The following CPEB1 variants were observed in gnomAD, a reference collection of about 807,000 sequenced individuals.
CPEB1 encodes cytoplasmic polyadenylation element-binding protein 1.
Under a neutral mutation model 65.8 loss-of-function variants are expected in CPEB1, and 7 were observed. The observed-to-expected ratio is 0.11, with a 90% CI of 0.06 to 0.20. The LOEUF is 0.20. Among genes scored for constraint, CPEB1 ranks in the 10% least tolerant of loss-of-function variants. The probability of loss-of-function intolerance (pLI) is 1.00; values close to 1 mark genes in which losing one functional copy is unlikely to be tolerated. For synonymous variants in CPEB1, 262 were observed against 260.0 expected, an observed-to-expected ratio of 1.01 and a Z score of -0.08; for missense variants, 551 against 712.2, an observed-to-expected ratio of 0.77 and a Z score of 2.58.
chr15:82,587,404 G>A (rs746169576), intron 3 of CPEB1, among the ~76,000 whole-genome samples: 7 of 152,154 alleles, frequency 4.6e-5, no homozygotes, highest in African/African-American at 7.2e-5. Flanking sequence ...AATCAATTGC[G>A]AAAACTGAAA....
At chr15:82,581,259 T>A (rs72751657) in intron 3 of CPEB1, among the ~76,000 whole-genome samples, 20,378 of 152,236 alleles carry the variant, frequency 0.13, 1,597 homozygotes, top group Non-Finnish European at 0.19. Context: ...ACTACAGGTG[T>A]GCACTACTGT....
intron 3 of CPEB1, among the ~76,000 whole-genome samples, chr15:82,606,506 G>A (rs189002359): frequency 4.1e-5 from 6 of 146,432 alleles, no homozygotes; most frequent in Non-Finnish European, 7.5e-5. Flanking sequence ...CAGCACATGC[G>A]CTAAGAAAAT....
intron 3 of CPEB1, among the ~76,000 whole-genome samples, chr15:82,598,771 C>T (rs866187984): frequency 7.2e-5 from 11 of 151,842 alleles, no homozygotes; most frequent in Non-Finnish European, 1.6e-4. Context: ...GGTGACAGAG[C>T]GAGACTCCAT....
chr15:82,605,881 A>C (rs1025201531), intron 3 of CPEB1, among the ~76,000 whole-genome samples: 1 of 151,934 alleles, frequency 6.6e-6, no homozygotes, highest in African/African-American at 2.4e-5. Context: ...TCTACTAAAA[A>C]TACAAAATTA....
chr15:82,565,505 C>T (rs1357887998), intron 4 of CPEB1, among the ~76,000 whole-genome samples: 1 of 152,190 alleles, frequency 6.6e-6, no homozygotes, highest in East Asian at 1.9e-4. Flanking sequence ...CACGAGCATA[C>T]CTAACTGGAA....
intron 4 of CPEB1, among the ~76,000 whole-genome samples, chr15:82,566,701 T>C (rs1001901496): frequency 6.8e-6 from 1 of 146,608 alleles, no homozygotes; most frequent in Non-Finnish European, 1.6e-5. Context: ...ATCCTGCCCC[T>C]GTCACTAACC....
At chr15:82,579,977 T>C (rs7179695) in intron 3 of CPEB1, among the ~76,000 whole-genome samples, 2,921 of 91,980 alleles carry the variant, frequency 0.032, 120 homozygotes, top group African/African-American at 0.1. Flanking sequence ...GCACAAAATA[T>C]TACATTAAGA....
In CPEB1 at chr15:82,571,954, C is replaced by CCCG. The variant is rs1567191629; in HGVS notation, c.272-423_272-422insCGG. 1.5e-5 allele frequency: 11 copies of CCCG among 721,648 alleles called. No homozygotes were observed. In the Admixed American group the frequency reaches 1.8e-4, roughly 12 times the overall value. The allele number at this position is 721,648 out of a possible 1,614,324, so 44.7% of individuals were successfully genotyped here. On this transcript the variant is annotated intron_variant, in intron 3 of 12. Coordinates refer to ENST00000684509, the MANE Select transcript of CPEB1 (RefSeq NM_001365242.1). The stretch of plus-strand genomic sequence containing the variant: ...ACTTGGAATAGTCCCGGTGCAGTGC[C>CCCG]GTTAAGTCTGGGTTGCAAGGCAGCG...
chr15:82,549,105 G>C (rs1337955318), intron 10 of CPEB1, among the ~76,000 whole-genome samples: 1 of 152,204 alleles, frequency 6.6e-6, no homozygotes, highest in Non-Finnish European at 1.5e-5. Flanking sequence ...AAAAACTCCA[G>C]GCAAGTTCAG....
At chr15:82,550,474 G>A (rs976136464) in intron 9 of CPEB1, among the ~76,000 whole-genome samples, 16 of 152,222 alleles carry the variant, frequency 1.1e-4, no homozygotes, top group African/African-American at 3.9e-4. Flanking sequence ...TTCAACAGAA[G>A]AGTCTGCAGT....
intron 3 of CPEB1, among the ~76,000 whole-genome samples, chr15:82,623,193 A>G (rs1052421059): frequency 6.6e-6 from 1 of 152,242 alleles, no homozygotes; most frequent in Non-Finnish European, 1.5e-5. Context: ...TGCTTTAACC[A>G]GAAGTGTTTC....
chr15:82,627,482 T>A, intron 2 of CPEB1, 115 bp from the exon 3 acceptor site: 1 of 720,368 alleles, frequency 1.4e-6, no homozygotes, highest in Non-Finnish European at 2.2e-6. Context: ...CTTTATACAT[T>A]AAAACACTTA....
intron 10 of CPEB1, among the ~76,000 whole-genome samples, chr15:82,547,449 A>T (rs1361362610): frequency 6.6e-6 from 1 of 151,712 alleles, no homozygotes; most frequent in Non-Finnish European, 1.5e-5. Flanking sequence ...GGCATCTGCC[A>T]CCACACCCAG....
intron 4 of CPEB1, among the ~76,000 whole-genome samples, chr15:82,566,154 C>T (rs1478103212): frequency 6.6e-6 from 1 of 152,130 alleles, no homozygotes; most frequent in East Asian, 1.9e-4. Context: ...AGTGTGATGG[C>T]AGCATTAGCA....
At chr15:82,622,398 T>C (rs1242314612) in intron 3 of CPEB1, among the ~76,000 whole-genome samples, 1 of 152,096 alleles carries the variant, frequency 6.6e-6, no homozygotes, top group Non-Finnish European at 1.5e-5. Context: ...CCAGCTACTC[T>C]TTCCCTGCCC....
chr15:82,619,804 C>T (rs867349651), intron 3 of CPEB1, among the ~76,000 whole-genome samples: 14 of 152,022 alleles, frequency 9.2e-5, no homozygotes, highest in Admixed American at 1.3e-4. Context: ...ATGAAACAAC[C>T]CAAACCATCG....
chr15:82,580,623 A>C (rs565302226), intron 3 of CPEB1, among the ~76,000 whole-genome samples: 2 of 152,258 alleles, frequency 1.3e-5, no homozygotes, highest in African/African-American at 4.8e-5. Flanking sequence ...CTTCACCTCT[A>C]GAGCTTTTTT....
intron 3 of CPEB1, among the ~76,000 whole-genome samples, chr15:82,590,386 A>C (rs1468887034): frequency 1.3e-5 from 2 of 152,138 alleles, no homozygotes; most frequent in African/African-American, 4.8e-5. Context: ...GAATTCTGCA[A>C]TTGTTACAAT....
chr15:82,557,425 G>C (rs1266193642), intron 5 of CPEB1: 1 of 278,752 alleles, frequency 3.6e-6, no homozygotes, highest in African/African-American at 2.2e-5. Context: ...GCTAAAGAAA[G>C]CACCCCGTGT....
Sources: allele counts gnomAD v4.1 joint callset (sites outside exome capture counted in the v4.1 genomes callset), GRCh38; gene constraint gnomAD v4.1.1; transcripts MANE v1.5; gene names NCBI Gene and HGNC (gene_info 2026-07-23, HGNC 2026-07-21).